LRRC37A2: variants seen among roughly 807,000 people sequenced by gnomAD.
The protein encoded by LRRC37A2 is leucine rich repeat containing 37 member A2, also known as leucine-rich repeat-containing protein 37A2.
In LRRC37A2, 9 loss-of-function variants were observed where a neutral mutation model predicts 68.8. That is an observed-to-expected ratio of 0.13 (90% confidence interval 0.08 to 0.23). The LOEUF (loss-of-function observed/expected upper bound fraction) is 0.23. Ranked by LOEUF, LRRC37A2 falls within the 10% of genes least tolerant of loss-of-function variation. The probability of loss-of-function intolerance (pLI) is 1.00; values close to 1 mark genes in which losing one functional copy is unlikely to be tolerated. For missense variants in LRRC37A2, 168 were observed against 950.4 expected, an observed-to-expected ratio of 0.18 and a Z score of 10.82; for synonymous variants, 63 against 367.6, an observed-to-expected ratio of 0.17 and a Z score of 9.48.
At chr17:46,885,147 C>A in the LRRC37A2 span, 1 of 369,110 alleles carries the variant, frequency 2.7e-6, no homozygotes, top group East Asian at 8.9e-5. Context: ...CACCACCACG[C>A]CTGACTAATT....
the LRRC37A2 span, among the ~76,000 whole-genome samples, chr17:46,833,828 TC>T: frequency 6.6e-6 from 1 of 152,064 alleles, no homozygotes; most frequent in African/African-American, 2.4e-5. Context: ...TCCTTCAACT[TC>T]CTTCGCCTCT....
At chr17:46,758,695 CAT>C in the LRRC37A2 span, among the ~76,000 whole-genome samples, 5 of 152,126 alleles carry the variant, frequency 3.3e-5, no homozygotes, top group Admixed American at 3.3e-4. Flanking sequence ...GCTGTCTTTT[CAT>C]ATCCTAAAAA....
chr17:46,818,077 C>T, the LRRC37A2 span, among the ~76,000 whole-genome samples: 1 of 151,882 alleles, frequency 6.6e-6, no homozygotes, highest in African/African-American at 2.4e-5. Context: ...ATGGAGGCGC[C>T]GGCAGAGGTG....
the LRRC37A2 span, among the ~76,000 whole-genome samples, chr17:46,393,214 TG>T: frequency 3.1e-5 from 2 of 64,842 alleles, no homozygotes; most frequent in African/African-American, 8.2e-5. Context: ...ACTTAATGGT[TG>T]AAGACTGAAA....
chr17:46,818,738 C>T, the LRRC37A2 span: 9 of 835,188 alleles, frequency 1.1e-5, no homozygotes, highest in South Asian at 6.1e-5. Flanking sequence ...CAGCCGCCCC[C>T]CTCCCGAGCC....
At chr17:46,974,379 T>A in the LRRC37A2 span, among the ~76,000 whole-genome samples, 1 of 152,208 alleles carries the variant, frequency 6.6e-6, no homozygotes, top group Non-Finnish European at 1.5e-5. Flanking sequence ...TAATTTCCTC[T>A]CCTATAAACA....
chr17:47,027,207 G>T, the LRRC37A2 span, among the ~76,000 whole-genome samples: 1 of 152,032 alleles, frequency 6.6e-6, no homozygotes, highest in African/African-American at 2.4e-5. Context: ...ACCGCACCCG[G>T]CCCGACTATT....
the LRRC37A2 span, chr17:46,769,775 G>A: frequency 2.5e-6 from 4 of 1,609,626 alleles, no homozygotes; most frequent in Non-Finnish European, 3.4e-6. Flanking sequence ...GAGGGTAGCC[G>A]GGCTCACCGT....
At chr17:46,930,451 G>C in the LRRC37A2 span, 1 of 152,328 alleles carries the variant, frequency 6.6e-6, no homozygotes, top group Admixed American at 6.5e-5. Flanking sequence ...TATCGAAAGG[G>C]ATAGGGAAAA....
the LRRC37A2 span, chr17:46,884,898 G>A: frequency 3.0e-6 from 1 of 330,818 alleles, no homozygotes; most frequent in Non-Finnish European, 6.0e-6. Context: ...TTCCTGACTT[G>A]GTTCAAATAT....
the LRRC37A2 span, among the ~76,000 whole-genome samples, chr17:47,033,915 G>A: frequency 6.6e-6 from 1 of 152,180 alleles, no homozygotes; most frequent in Non-Finnish European, 1.5e-5. Context: ...CTGGAAAAAA[G>A]CTTGCCACAT....
At chr17:46,934,826 CAG>C in the LRRC37A2 span, among the ~76,000 whole-genome samples, 1 of 152,196 alleles carries the variant, frequency 6.6e-6, no homozygotes, top group Admixed American at 6.5e-5. Flanking sequence ...TGGAGAGTGA[CAG>C]ATCTGAGGAA....
the LRRC37A2 span, among the ~76,000 whole-genome samples, chr17:46,944,512 C>T: frequency 1.4e-3 from 207 of 152,306 alleles, no homozygotes; most frequent in African/African-American, 4.7e-3. Flanking sequence ...CCTGGAGTCC[C>T]CCAGAGAGTT....
chr17:46,806,783 T>C, the LRRC37A2 span, among the ~76,000 whole-genome samples: 2 of 152,180 alleles, frequency 1.3e-5, no homozygotes, highest in Non-Finnish European at 2.9e-5. Flanking sequence ...GTTAGAGTTG[T>C]GAGGACACCT....
the LRRC37A2 span, among the ~76,000 whole-genome samples, chr17:46,808,130 C>T: frequency 6.6e-6 from 1 of 152,152 alleles, no homozygotes; most frequent in Non-Finnish European, 1.5e-5. Context: ...TTTACGCTAC[C>T]CTTTCTGTTT....
chr17:46,595,492 C>CTTT, the LRRC37A2 span, among the ~76,000 whole-genome samples: 3 of 96,064 alleles, frequency 3.1e-5, no homozygotes, highest in South Asian at 7.1e-4. Flanking sequence ...ATCACTGGAT[C>CTTT]TTTTTTTTTT....
the LRRC37A2 span, among the ~76,000 whole-genome samples, chr17:46,609,829 T>TTC: frequency 1.5e-5 from 2 of 136,284 alleles, no homozygotes; most frequent in East Asian, 3.9e-4. Context: ...CACTGTTTCT[T>TTC]TTTTTTTTTT....
At chr17:47,040,354 C>A in the LRRC37A2 span, among the ~76,000 whole-genome samples, 2 of 151,664 alleles carry the variant, frequency 1.3e-5, no homozygotes, top group East Asian at 3.9e-4. Flanking sequence ...ATTTCTCCCC[C>A]CACCAAGTGT....
the LRRC37A2 span, chr17:46,833,102 G>A: frequency 2.8e-6 from 1 of 356,582 alleles, no homozygotes. Flanking sequence ...AGCAAAAAGA[G>A]GGGGAGGGTT....
Sources: allele counts gnomAD v4.1 joint callset (sites outside exome capture counted in the v4.1 genomes callset), GRCh38; gene constraint gnomAD v4.1.1; transcripts MANE v1.5; gene names NCBI Gene and HGNC (gene_info 2026-07-23, HGNC 2026-07-21).